The following MIR2052HG variants were observed in gnomAD, a reference collection of about 807,000 sequenced individuals.
The protein encoded by MIR2052HG is MIR2052 host gene.
At chr8:74,746,609 G>T (rs1283758348) in intron 4 of MIR2052HG, among the ~76,000 whole-genome samples, 2 of 73,812 alleles carry the variant, frequency 2.7e-5, no homozygotes, top group Non-Finnish European at 6.0e-5. Context: ...TCAAAGAGTC[G>T]AGGAGGGAGG....
chr8:74,682,450 A>G, intron 2 of MIR2052HG, among the ~76,000 whole-genome samples: 2 of 152,270 alleles, frequency 1.3e-5, no homozygotes, highest in South Asian at 4.1e-4. Context: ...ACTAAAAATT[A>G]ACAAAATACT....
chr8:74,714,347 CAT>C (rs1447748657), intron 4 of MIR2052HG, among the ~76,000 whole-genome samples: 2 of 152,106 alleles, frequency 1.3e-5, no homozygotes, highest in Non-Finnish European at 2.9e-5. Context: ...TTAATAGCAA[CAT>C]ATGTGTGTGA....
intron 1 of MIR2052HG, among the ~76,000 whole-genome samples, chr8:74,600,087 G>C (rs1807968804): frequency 6.6e-6 from 1 of 151,982 alleles, no homozygotes. Context: ...TGCTTCGGCT[G>C]GTGCACGGTG....
intron 4 of MIR2052HG, among the ~76,000 whole-genome samples, chr8:74,734,940 C>T (rs1398670581): frequency 6.6e-6 from 1 of 152,108 alleles, no homozygotes; most frequent in Non-Finnish European, 1.5e-5. Flanking sequence ...AATGAAATAC[C>T]CTGGAGCTAC....
At chr8:74,712,266 G>A (rs1342238987) in intron 4 of MIR2052HG, among the ~76,000 whole-genome samples, 14 of 152,136 alleles carry the variant, frequency 9.2e-5, no homozygotes. Context: ...TAAATGCTTA[G>A]GAGGTATTAT....
chr8:74,754,915 C>T lies in MIR2052HG; in HGVS notation n.464+2382C>T, dbSNP rs529233317. Among the ~76,000 whole-genome samples, 9 of 152,336 alleles carry T rather than the reference C, an allele frequency of 5.9e-5. No homozygotes were observed. In the South Asian group the frequency reaches 1.9e-3, roughly 32 times the overall value. ...TATTAGGGTGATCTGTCAATTTTAA[C>T]AACCATTGCTATCTTAGGGTTGGCT... is the stretch of plus-strand genomic sequence containing the variant. On this transcript the variant is annotated intron_variant and non_coding_transcript_variant, in intron 5 of 6. Coordinates refer to ENST00000523442, the Ensembl canonical transcript of MIR2052HG.
At chr8:74,708,637 T>A (rs1809434425) in intron 4 of MIR2052HG, among the ~76,000 whole-genome samples, 1 of 152,110 alleles carries the variant, frequency 6.6e-6, no homozygotes, top group South Asian at 2.1e-4. Flanking sequence ...CAAAACTTAG[T>A]TGAACATTTA....
At chr8:74,625,153 G>C (rs1269792874) in intron 2 of MIR2052HG, 1 of 151,994 alleles carries the variant, frequency 6.6e-6, no homozygotes, top group Non-Finnish European at 1.5e-5. Flanking sequence ...CAGATTCCTG[G>C]GCTCAAGTGG....
At chr8:74,669,417 C>G (rs1037433527) in intron 2 of MIR2052HG, among the ~76,000 whole-genome samples, 1 of 152,176 alleles carries the variant, frequency 6.6e-6, no homozygotes, top group African/African-American at 2.4e-5. Flanking sequence ...CCATAAGTCT[C>G]CTAATTGTAT....
intron 4 of MIR2052HG, among the ~76,000 whole-genome samples, chr8:74,738,129 G>GTATCTATCTATCTATC (rs755697676): frequency 2.4e-5 from 2 of 81,806 alleles, no homozygotes; most frequent in African/African-American, 6.2e-5. Context: ...ATGTATGTAT[G>GTATCTATCTATCTATC]TATGTATCTA....
intron 1 of MIR2052HG, chr8:74,612,340 T>A (rs1015417024): frequency 1.9e-5 from 3 of 156,262 alleles, no homozygotes; most frequent in African/African-American, 7.2e-5. Flanking sequence ...TGTTTAGAGG[T>A]ATCTATTTCA....
At chr8:74,721,979 G>T (rs550892806) in intron 4 of MIR2052HG, among the ~76,000 whole-genome samples, 2 of 152,276 alleles carry the variant, frequency 1.3e-5, no homozygotes, top group Non-Finnish European at 1.5e-5. Flanking sequence ...GACTGCTTGA[G>T]CCCAGGAGTT....
chr8:74,608,936 A>G (rs1808152001), intron 1 of MIR2052HG, among the ~76,000 whole-genome samples: 4 of 152,054 alleles, frequency 2.6e-5, no homozygotes, highest in Admixed American at 2.6e-4. Flanking sequence ...TTAATGTTAC[A>G]GAACATAATA....
chr8:74,608,121 T>A (rs59274632), intron 1 of MIR2052HG, among the ~76,000 whole-genome samples: 5,550 of 152,278 alleles, frequency 0.036, 335 homozygotes, highest in African/African-American at 0.13. Flanking sequence ...AGGTTAAAAT[T>A]TCATAGCAGG....
chr8:74,676,814 C>A (rs148800829), intron 2 of MIR2052HG, among the ~76,000 whole-genome samples: 2 of 151,866 alleles, frequency 1.3e-5, no homozygotes, highest in Admixed American at 6.6e-5. Flanking sequence ...CACACACATA[C>A]GAAAGGCAAC....
At chr8:74,744,242 A>G (rs992288314) in intron 4 of MIR2052HG, among the ~76,000 whole-genome samples, 1 of 151,822 alleles carries the variant, frequency 6.6e-6, no homozygotes, top group East Asian at 1.9e-4. Context: ...ATCTTTTTTT[A>G]AATTTTTTTA....
At chr8:74,639,613 T>G (rs1404740913) in intron 2 of MIR2052HG, among the ~76,000 whole-genome samples, 2 of 152,216 alleles carry the variant, frequency 1.3e-5, no homozygotes, top group East Asian at 3.8e-4. Context: ...GTAAATTGTT[T>G]TATCCTCATT....
At chr8:74,743,257 A>C (rs1034812987) in intron 4 of MIR2052HG, among the ~76,000 whole-genome samples, 6 of 152,176 alleles carry the variant, frequency 3.9e-5, no homozygotes, top group African/African-American at 7.2e-5. Context: ...CCCAGGTGTT[A>C]TAAGAAAATA....
At chr8:74,663,636 C>CT (rs751851342) in intron 2 of MIR2052HG, among the ~76,000 whole-genome samples, 25 of 152,326 alleles carry the variant, frequency 1.6e-4, no homozygotes, top group South Asian at 4.1e-4. Context: ...CTTCCTAACT[C>CT]TCATGAAGTA....
Sources: gnomAD v4.1 joint callset for allele counts (sites outside exome capture counted in the v4.1 genomes callset) on GRCh38, gnomAD v4.1.1 for gene constraint, MANE v1.5 for transcripts, NCBI Gene and HGNC (gene_info 2026-07-23, HGNC 2026-07-21) for gene names.